The following ALK variants were observed in gnomAD, a reference collection of about 807,000 sequenced individuals.
The protein encoded by ALK is ALK tyrosine kinase receptor.
ALK carries 74 observed loss-of-function variants against 163.1 expected under a neutral mutation model. The observed-to-expected ratio is 0.45, with a 90% CI of 0.38 to 0.55. The LOEUF is 0.55. Ranked by LOEUF, ALK falls within the 20% of genes least tolerant of loss-of-function variation. ALK has a pLI of 0.00. For missense variants in ALK, 2,063 were observed against 2,105.3 expected (o/e 0.98, Z 0.39); for synonymous variants, 960 against 843.2 (o/e 1.14, Z -2.40).
At chr2:29,775,547 AAAAC>A (rs1181975417) in intron 1 of ALK, among the ~76,000 whole-genome samples, 7 of 151,886 alleles carry the variant, frequency 4.6e-5, no homozygotes, top group Non-Finnish European at 1.0e-4. Flanking sequence ...CAAAAAAAAA[AAAAC>A]AAAAACAAAA....
intron 1 of ALK, among the ~76,000 whole-genome samples, chr2:29,872,387 G>A (rs976424407): frequency 1.3e-4 from 20 of 152,174 alleles, no homozygotes; most frequent in African/African-American, 4.6e-4. Flanking sequence ...AGCTTACAGT[G>A]GGGTTATGTC....
intron 4 of ALK, among the ~76,000 whole-genome samples, chr2:29,449,912 AT>A (rs1233465211): frequency 6.6e-6 from 1 of 152,210 alleles, no homozygotes; most frequent in Non-Finnish European, 1.5e-5. Flanking sequence ...TTACCTGTGA[AT>A]TGGGAACATA....
At chr2:29,268,315 T>C (rs1665291829) in intron 11 of ALK, among the ~76,000 whole-genome samples, 2 of 152,186 alleles carry the variant, frequency 1.3e-5, no homozygotes, top group South Asian at 4.1e-4. Context: ...AAAATGATGA[T>C]TAGTTCAGAA....
At position 29,226,954 on chromosome 2, in the gene ALK, G is replaced by A. The variant is rs35073634; in HGVS notation, c.3035C>T (p.Thr1012Met). The change falls in exon 18 of 29, where the codon ACG (threonine) becomes ATG (methionine). Residue 1012 changes from threonine to methionine, a missense_variant. Physicochemically the swap from Thr to Met is moderately conservative, Grantham distance 81 (BLOSUM62 -1). Around this residue, in one of 5 missense-constraint regions of ALK, gnomAD observed 575 missense variants for 626.6 expected, o/e 0.92. Transcript: ENST00000389048. ...GGAGACGCCATCCTCAGCCAGCACC[G>A]TCCCGTGGTCACAGAAGCAGATGAC... ...HKVICFCDHG[T>M]VLAEDGVSCI... The A allele has an allele frequency of 4.6e-4, 738 of 1,614,208 alleles. 3 individuals are homozygous for A. The East Asian group carries it at 0.01, about 22-fold the overall frequency.
intron 3 of ALK, among the ~76,000 whole-genome samples, chr2:29,653,267 C>T (rs1441518628): frequency 6.6e-6 from 1 of 152,026 alleles, no homozygotes; most frequent in Non-Finnish European, 1.5e-5. Context: ...TTTTTCCACC[C>T]TCACCTGGAT....
chr2:29,264,270 G>C (rs1665158131), intron 11 of ALK, among the ~76,000 whole-genome samples: 1 of 152,168 alleles, frequency 6.6e-6, no homozygotes, highest in Non-Finnish European at 1.5e-5. Context: ...GATTTCCCTA[G>C]GCCACACCAG....
At chr2:29,679,023 G>A (rs1677979825) in intron 3 of ALK, among the ~76,000 whole-genome samples, 1 of 151,776 alleles carries the variant, frequency 6.6e-6, no homozygotes, top group South Asian at 2.1e-4. Flanking sequence ...AGTTCTAACA[G>A]TTTTGCTTCA....
At chr2:29,498,018 C>T (rs985443929) in intron 4 of ALK, among the ~76,000 whole-genome samples, 1 of 152,180 alleles carries the variant, frequency 6.6e-6, no homozygotes, top group Non-Finnish European at 1.5e-5. Context: ...GCCATTACTA[C>T]TAACTTCATT....
chr2:29,503,332 C>T (rs1672234895), intron 4 of ALK, among the ~76,000 whole-genome samples: 1 of 152,162 alleles, frequency 6.6e-6, no homozygotes, highest in African/African-American at 2.4e-5. Context: ...CCAGGGACTG[C>T]TCTTCCACTT....
chr2:29,237,212 T>C (rs923924197), intron 13 of ALK, among the ~76,000 whole-genome samples: 1 of 152,256 alleles, frequency 6.6e-6, no homozygotes, highest in Admixed American at 6.5e-5. Context: ...TAAGCCATCA[T>C]CATCTCTTGC....
At chr2:29,253,148 A>G (rs1482927148) in intron 11 of ALK, among the ~76,000 whole-genome samples, 1 of 152,126 alleles carries the variant, frequency 6.6e-6, no homozygotes, top group African/African-American at 2.4e-5. Flanking sequence ...ATGAATTACC[A>G]TGCCCATCCT....
intron 3 of ALK, among the ~76,000 whole-genome samples, chr2:29,603,188 G>A (rs1472746107): frequency 6.6e-6 from 1 of 152,188 alleles, no homozygotes; most frequent in African/African-American, 2.4e-5. Context: ...GCCACTCATA[G>A]AAGCAATAGA....
At chr2:29,904,265 G>A (rs569810974) in intron 1 of ALK, among the ~76,000 whole-genome samples, 13 of 152,144 alleles carry the variant, frequency 8.5e-5, no homozygotes, top group East Asian at 3.9e-4. Context: ...CAAAAGATTC[G>A]CTGGTTCAAT....
intron 5 of ALK, among the ~76,000 whole-genome samples, chr2:29,359,037 C>T (rs1452612004): frequency 2.0e-5 from 3 of 151,598 alleles, no homozygotes; most frequent in Admixed American, 6.6e-5. Context: ...TTAAAAATAC[C>T]GTGTTGTGCA....
At chr2:29,720,219 A>G (rs950257171) in intron 1 of ALK, among the ~76,000 whole-genome samples, 10 of 152,080 alleles carry the variant, frequency 6.6e-5, no homozygotes, top group African/African-American at 2.4e-4. Flanking sequence ...TTTAAAAAAA[A>G]AGAAAGCTTT....
chr2:29,647,026 G>T (rs1007250330), intron 3 of ALK, among the ~76,000 whole-genome samples: 1 of 152,080 alleles, frequency 6.6e-6, no homozygotes, highest in African/African-American at 2.4e-5. Context: ...ATAATTGTGG[G>T]GTGAATGAAT....
intron 3 of ALK, among the ~76,000 whole-genome samples, chr2:29,617,862 C>A (rs1675900354): frequency 6.6e-6 from 1 of 152,226 alleles, no homozygotes. Flanking sequence ...TTTCCTCTCT[C>A]CCAGGGATCA....
intron 2 of ALK, among the ~76,000 whole-genome samples, chr2:29,703,524 C>G (rs1305182608): frequency 6.6e-6 from 1 of 152,186 alleles, no homozygotes; most frequent in African/African-American, 2.4e-5. Flanking sequence ...CCCAGAACTG[C>G]TGAAAGGGCT....
Position 29,920,973 on chromosome 2 carries a change from C to A in ALK, c.-314G>T, listed in dbSNP as rs1667985487. 4.2e-6 allele frequency: 2 copies of A among 471,948 alleles called. No homozygotes were observed. The highest frequency in any genetic ancestry group is 7.3e-5 in the East Asian group (2 of 27,266). 29.2% of individuals were successfully genotyped at this position (471,948 alleles called of 1,614,324 possible). A position where few individuals can be genotyped will look rare whatever the true frequency, so the allele number is the denominator to read the frequency against. On this transcript the variant is annotated 5_prime_UTR_variant, in exon 1 of 29. Transcript: ENST00000389048. ...GCGCCCCCGTCTGTAGCTCGCTGCG[C>A]TCGGTACAGAGGAACTACTATGGTT...
Sources: gnomAD v4.1 joint callset for allele counts (sites outside exome capture counted in the v4.1 genomes callset) on GRCh38, gnomAD v4.1.1 for gene constraint, gnomAD v4.1.1 regional missense constraint, MANE v1.5 for transcripts, NCBI Gene and HGNC (gene_info 2026-07-23, HGNC 2026-07-21) for gene names.